Variants in TPTE2 observed in about 807,000 individuals in gnomAD.
TPTE2 encodes the protein phosphatidylinositol 3,4,5-trisphosphate 3-phosphatase TPTE2.
A neutral mutation model predicts 78.6 loss-of-function variants in TPTE2; 53 were observed. The ratio of observed to expected loss-of-function variants is 0.67; its 90% confidence interval spans 0.54 to 0.85. The LOEUF is 0.85. Ranked by LOEUF, TPTE2 falls within the 40% of genes least tolerant of loss-of-function variation. The pLI is 0.00. For synonymous variants in TPTE2, 175 were observed against 206.2 expected (o/e 0.85, Z 1.30); for missense variants, 461 against 623.0 (o/e 0.74, Z 2.77).
At chr13:19,464,472 T>A (rs551982045) in exon 10 of TPTE2, 6 of 1,612,800 alleles carry the variant, frequency 3.7e-6, no homozygotes, top group Non-Finnish European at 5.1e-6. Context: ...TGGATTTCTA[T>A]AGAAAGACTG....
At chr13:19,471,559 C>T (rs1740722737) in intron 6 of TPTE2, among the ~76,000 whole-genome samples, 1 of 151,732 alleles carries the variant, frequency 6.6e-6, no homozygotes, top group Non-Finnish European at 1.5e-5. Context: ...TAATAAAAAC[C>T]CTACAACTTA....
At chr13:19,496,965 G>C (rs1371123222) in intron 1 of TPTE2, among the ~76,000 whole-genome samples, 2 of 152,226 alleles carry the variant, frequency 1.3e-5, no homozygotes, top group Non-Finnish European at 2.9e-5. Flanking sequence ...GCCGAAGCAG[G>C]GCGAGGCATT....
chr13:19,497,350 C>CACAA lies in TPTE2; in HGVS notation c.12-3850_12-3849insTTGT, dbSNP rs767070293. Among the ~76,000 whole-genome samples, 19 of 136,418 alleles carry CACAA rather than the reference C, an allele frequency of 1.4e-4. No individual in the cohort carries two copies. The East Asian group carries it at 2.2e-3, about 16-fold the overall frequency. 89.5% of individuals were successfully genotyped at this position (136,418 alleles called of 152,430 possible). The stretch of plus-strand genomic sequence containing the variant: ...GTAGGCTCCACCTCTGGGGGCAGGG[C>CACAA]ACAGACAAACAAAAAGACAGCAGTA... On this transcript the variant is annotated intron_variant, in intron 1 of 19. Coordinates refer to ENST00000400230, the Ensembl canonical transcript of TPTE2.
At chr13:19,503,287 G>A (rs1221684857), upstream of TPTE2, 1 of 1,613,378 alleles carries the variant, frequency 6.2e-7, no homozygotes, top group African/African-American at 1.3e-5. Context: ...ACTAGAGGAT[G>A]ACAAAAGAAT....
At chr13:19,473,801 G>A in intron 6 of TPTE2, 113 bp downstream of exon 9, 2 of 936,452 alleles carry the variant, frequency 2.1e-6, no homozygotes, top group Non-Finnish European at 3.0e-6. Flanking sequence ...TCACCATGTT[G>A]GCCAGGATTG....
At chr13:19,544,293 A>G in the TPTE2 span, among the ~76,000 whole-genome samples, 4,474 of 152,166 alleles carry the variant, frequency 0.029, 178 homozygotes, top group African/African-American at 0.087. Flanking sequence ...TCTTAGTAAC[A>G]TTATATTTTT....
At position 19,494,601 on chromosome 13, in the gene TPTE2, G is replaced by T. The variant is rs1431625333; in HGVS notation, c.12-1100C>A. Among the ~76,000 whole-genome samples, 47 of 152,112 alleles carry T rather than the reference G, an allele frequency of 3.1e-4. 2 individuals are homozygous for T. The highest frequency in any genetic ancestry group is 3.1e-3 in the Admixed American group (47 of 15,274). ...TTCTTGTAGTTTTAGTAGAGACAGG[G>T]TTTCACGATGTTTGCCAGCCTGGTC... On this transcript the variant is annotated intron_variant, in intron 1 of 19. Transcript: ENST00000400230.
chr13:19,487,291 C>G (rs1880720248), intron 3 of TPTE2, among the ~76,000 whole-genome samples: 1 of 152,032 alleles, frequency 6.6e-6, no homozygotes, highest in South Asian at 2.1e-4. Flanking sequence ...GGTGCAAGGC[C>G]CACTCGGTGG....
At chr13:19,448,748 A>G (rs1366368237) in intron 13 of TPTE2, among the ~76,000 whole-genome samples, 1 of 152,188 alleles carries the variant, frequency 6.6e-6, no homozygotes, top group Non-Finnish European at 1.5e-5. Context: ...GGAAAACAGC[A>G]CTGAGATTCC....
intron 1 of TPTE2, among the ~76,000 whole-genome samples, chr13:19,509,132 C>T (rs1869264084): frequency 1.3e-5 from 2 of 151,930 alleles, no homozygotes; most frequent in African/African-American, 2.4e-5. Flanking sequence ...TACAATGAAG[C>T]AATATTTAGA....
At chr13:19,544,934 T>TCA in the TPTE2 span, among the ~76,000 whole-genome samples, 3,740 of 142,372 alleles carry the variant, frequency 0.026, 44 homozygotes, top group Admixed American at 0.032. Flanking sequence ...ACGTGCACAC[T>TCA]CACACACACA....
At chr13:19,556,088 T>C in the TPTE2 span, among the ~76,000 whole-genome samples, 2 of 152,114 alleles carry the variant, frequency 1.3e-5, no homozygotes, top group South Asian at 2.1e-4. Context: ...GCTGAGATTA[T>C]AGGCATGAGC....
chr13:19,498,299 G>A (rs9508205), intron 1 of TPTE2, among the ~76,000 whole-genome samples: 92,526 of 150,028 alleles, frequency 0.62, 32,779 homozygotes, highest in East Asian at 0.89. Flanking sequence ...TACAGAGAAC[G>A]CCACAAAGAT....
At chr13:19,500,669 T>C (rs1040529943) in intron 1 of TPTE2, among the ~76,000 whole-genome samples, 6 of 151,884 alleles carry the variant, frequency 4.0e-5, no homozygotes, top group East Asian at 1.9e-4. Context: ...TAAGAGCTAT[T>C]TATGACAAAC....
At chr13:19,467,189 A>G in intron 7 of TPTE2, 36 bp downstream of exon 10, 1 of 1,533,956 alleles carries the variant, frequency 6.5e-7, no homozygotes, top group Non-Finnish European at 8.7e-7. Context: ...AAAAGTAATG[A>G]AAAACTTTAA....
chr13:19,504,430 G>A (rs1005667524), upstream of TPTE2, among the ~76,000 whole-genome samples: 2 of 152,044 alleles, frequency 1.3e-5, no homozygotes, highest in African/African-American at 2.4e-5. Flanking sequence ...TGGGCTTGTA[G>A]TGTTAGCCTC....
At chr13:19,516,468 C>G (rs548438641) in intron 1 of TPTE2, among the ~76,000 whole-genome samples, 5 of 152,286 alleles carry the variant, frequency 3.3e-5, no homozygotes, top group African/African-American at 1.2e-4. Context: ...CACCTTTATC[C>G]TGTTTATGCA....
the TPTE2 span, chr13:19,561,314 A>T: frequency 1.2e-6 from 1 of 802,460 alleles, no homozygotes; most frequent in Non-Finnish European, 1.9e-6. Flanking sequence ...GATCCCAGGC[A>T]CACGGCGGGG....
At chr13:19,481,943 T>C (rs1880381229) in intron 4 of TPTE2, among the ~76,000 whole-genome samples, 1 of 152,010 alleles carries the variant, frequency 6.6e-6, no homozygotes, top group Non-Finnish European at 1.5e-5. Context: ...CAAGCCAGTT[T>C]AAGAATGTAT....
Sources: allele counts gnomAD v4.1 joint callset (sites outside exome capture counted in the v4.1 genomes callset), GRCh38; gene constraint gnomAD v4.1.1; transcripts MANE v1.5; gene names NCBI Gene and HGNC (gene_info 2026-07-23, HGNC 2026-07-21).